Variants in NRXN1 observed in about 807,000 individuals in gnomAD.
NRXN1 encodes neurexin-1.
A neutral mutation model predicts 150.9 loss-of-function variants in NRXN1; 39 were observed. The observed-to-expected ratio is 0.26, with a 90% CI of 0.20 to 0.34. The LOEUF (loss-of-function observed/expected upper bound fraction) is 0.34. NRXN1 is among the 10% of genes least tolerant of loss of function. The pLI is 1.00. For missense variants in NRXN1, 1,815 were observed against 1,949.9 expected, an observed-to-expected ratio of 0.93 and a Z score of 1.30; for synonymous variants, 924 against 757.0, an observed-to-expected ratio of 1.22 and a Z score of -3.62.
At chr2:50,157,197 C>T (rs2059073031) in intron 18 of NRXN1, among the ~76,000 whole-genome samples, 2 of 152,058 alleles carry the variant, frequency 1.3e-5, no homozygotes, top group South Asian at 4.1e-4. Context: ...TCTAAGGCTA[C>T]TGACATTTAA....
At chr2:50,086,331 A>G (rs1415235116) in intron 19 of NRXN1, among the ~76,000 whole-genome samples, 1 of 152,202 alleles carries the variant, frequency 6.6e-6, no homozygotes, top group Non-Finnish European at 1.5e-5. Flanking sequence ...TTAGGGTAAT[A>G]ATATGACTTC....
chr2:50,728,421 G>C (rs1697666093), intron 5 of NRXN1, among the ~76,000 whole-genome samples: 1 of 152,080 alleles, frequency 6.6e-6, no homozygotes, highest in South Asian at 2.1e-4. Context: ...GTATTCAATT[G>C]CTTTTCCCTA....
chr2:50,126,203 T>C (rs1371468427), intron 18 of NRXN1, among the ~76,000 whole-genome samples: 2 of 152,104 alleles, frequency 1.3e-5, no homozygotes, highest in East Asian at 3.9e-4. Flanking sequence ...ATGCAGCGCA[T>C]ATTAGAACAT....
At chr2:50,403,999 T>C (rs954802040) in intron 17 of NRXN1, among the ~76,000 whole-genome samples, 2 of 152,074 alleles carry the variant, frequency 1.3e-5, no homozygotes, top group Non-Finnish European at 2.9e-5. Context: ...TCTCTATAGA[T>C]ACAATTTTAA....
chr2:49,943,723 C>T lies in NRXN1; in HGVS notation c.4197G>A (p.Glu1399=), dbSNP rs370837898. Residue 1399 remains glutamate (E), a synonymous_variant, in exon 22 of 23, where the codon GAG becomes GAA. Coordinates refer to ENST00000401669, the MANE Select transcript of NRXN1 (RefSeq NM_001330078.2). ...PSDDEDIDPC[E]PSSGGLANPT... ...ACTAACCTAACCCACCTGAGCTCGGCTCACAGGGGTCAATGTCCTCATCAT... is the reference window on the plus strand; with the variant it reads ...ACTAACCTAACCCACCTGAGCTCGGTTCACAGGGGTCAATGTCCTCATCAT... The T allele has an allele frequency of 8.1e-6, 13 of 1,611,828 alleles. No homozygotes were observed. The African/African-American group carries it at 1.5e-4, about 18-fold the overall frequency.
intron 8 of NRXN1, among the ~76,000 whole-genome samples, chr2:50,598,032 G>C (rs1470647892): frequency 6.6e-6 from 1 of 151,988 alleles, no homozygotes; most frequent in African/African-American, 2.4e-5. Flanking sequence ...CCAGCTACTC[G>C]GGAGGCTGAG....
At chr2:50,845,828 T>C (rs969233884) in intron 5 of NRXN1, among the ~76,000 whole-genome samples, 5 of 151,952 alleles carry the variant, frequency 3.3e-5, no homozygotes, top group African/African-American at 1.2e-4. Flanking sequence ...GAAGGAAAAA[T>C]AAGGCTTTTT....
At chr2:50,471,589 A>G (rs142905846) in intron 16 of NRXN1, among the ~76,000 whole-genome samples, 2 of 151,972 alleles carry the variant, frequency 1.3e-5, no homozygotes, top group Non-Finnish European at 2.9e-5. Flanking sequence ...TCTTTCTGAC[A>G]TAGTGACTTC....
intron 5 of NRXN1, among the ~76,000 whole-genome samples, chr2:50,874,841 A>G (rs993520654): frequency 2.6e-5 from 4 of 151,766 alleles, no homozygotes; most frequent in African/African-American, 9.7e-5. Context: ...TCATATTTTT[A>G]TATACTACGT....
intron 18 of NRXN1, among the ~76,000 whole-genome samples, chr2:50,221,944 C>A (rs1252037557): frequency 6.6e-6 from 1 of 151,942 alleles, no homozygotes; most frequent in Non-Finnish European, 1.5e-5. Context: ...AGATTAAGCA[C>A]AATGATGTTG....
chr2:50,056,688 T>C (rs1693681865), intron 19 of NRXN1, among the ~76,000 whole-genome samples: 1 of 152,164 alleles, frequency 6.6e-6, no homozygotes, highest in African/African-American at 2.4e-5. Flanking sequence ...GGAATTTTTT[T>C]TTAATGTAAT....
chr2:50,653,791 T>C (rs531448521), intron 5 of NRXN1, among the ~76,000 whole-genome samples: 5 of 152,094 alleles, frequency 3.3e-5, no homozygotes, highest in Non-Finnish European at 5.9e-5. Context: ...TCTTACTGTC[T>C]TACGGACAGT....
At chr2:50,260,098 G>T (rs1050678632) in intron 17 of NRXN1, among the ~76,000 whole-genome samples, 1 of 151,748 alleles carries the variant, frequency 6.6e-6, no homozygotes, top group Admixed American at 6.6e-5. Flanking sequence ...ATATTTTAAA[G>T]CATTTCCCTA....
Position 50,528,241 on chromosome 2 carries a change from A to ATTTT in NRXN1, c.2374+380_2374+383dup, listed in dbSNP as rs3052538. 7.3e-5 allele frequency among the ~76,000 whole-genome samples: 11 copies of ATTTT among 151,232 alleles called. No homozygotes were observed. The South Asian group carries it at 8.3e-4, about 11-fold the overall frequency. On this transcript the variant is annotated intron_variant, in intron 12 of 22. Coordinates refer to ENST00000401669, the MANE Select transcript of NRXN1 (RefSeq NM_001330078.2). Reference sequence around the variant, plus strand: ...ACTCTCGAAGTAAGAGGAATTAAGTATTTTTTTTTGTATTTGAGTTAAAAG... The same window carrying ATTTT: ...ACTCTCGAAGTAAGAGGAATTAAGTATTTTTTTTTTTTTGTATTTGAGTTAAAAG...
intron 17 of NRXN1, among the ~76,000 whole-genome samples, chr2:50,421,195 A>G (rs1405799065): frequency 1.3e-5 from 2 of 152,026 alleles, no homozygotes; most frequent in Admixed American, 1.3e-4. Flanking sequence ...CATTTCTACA[A>G]AGTTCAATAT....
chr2:50,793,106 T>C (rs1017529050), intron 5 of NRXN1, among the ~76,000 whole-genome samples: 5 of 152,124 alleles, frequency 3.3e-5, no homozygotes, highest in Non-Finnish European at 5.9e-5. Context: ...TGAAGATACA[T>C]TTTGAGATGA....
intron 5 of NRXN1, among the ~76,000 whole-genome samples, chr2:50,891,927 C>T (rs1431198024): frequency 6.6e-6 from 1 of 152,084 alleles, no homozygotes; most frequent in African/African-American, 2.4e-5. Flanking sequence ...ATGCCATGCA[C>T]TGTTGTAGGT....
At chr2:50,467,195 G>C (rs1420882514) in intron 16 of NRXN1, among the ~76,000 whole-genome samples, 2 of 151,648 alleles carry the variant, frequency 1.3e-5, no homozygotes, top group Admixed American at 6.6e-5. Context: ...AGTTACGTCT[G>C]TATTTTCTAC....
At chr2:50,080,586 T>G (rs967474676) in intron 19 of NRXN1, among the ~76,000 whole-genome samples, 11 of 152,140 alleles carry the variant, frequency 7.2e-5, no homozygotes, top group African/African-American at 1.4e-4. Context: ...TCTGAAACCA[T>G]GCATTTTGGT....
Sources: gnomAD v4.1 joint callset for allele counts (sites outside exome capture counted in the v4.1 genomes callset) on GRCh38, gnomAD v4.1.1 for gene constraint, MANE v1.5 for transcripts, NCBI Gene and HGNC (gene_info 2026-07-23, HGNC 2026-07-21) for gene names.